OAS3: variants seen among roughly 807,000 people sequenced by gnomAD.
The protein encoded by OAS3 is 2'-5'-oligoadenylate synthase 3.
A neutral mutation model predicts 113.0 loss-of-function variants in OAS3; 107 were observed. The observed-to-expected ratio is 0.95, with a 90% CI of 0.81 to 1.11. The LOEUF (loss-of-function observed/expected upper bound fraction) is 1.11, where lower values mean the gene tolerates loss of function less well. OAS3 is among the 50% of genes most tolerant of loss of function. The probability of loss-of-function intolerance (pLI) is 0.00; values close to 1 mark genes in which losing one functional copy is unlikely to be tolerated. For synonymous variants in OAS3, 552 were observed against 573.6 expected (o/e 0.96, Z 0.54); for missense variants, 1,258 against 1,389.1 (o/e 0.91, Z 1.50).
intron 3 of OAS3, chr12:112,944,884 TC>T: frequency 1.8e-6 from 1 of 551,258 alleles, no homozygotes; most frequent in Non-Finnish European, 3.2e-6. Flanking sequence ...AATGCATTCT[TC>T]CAATAGTCTT....
intron 6 of OAS3, among the ~76,000 whole-genome samples, chr12:112,950,221 G>A (rs188774849): frequency 2.0e-4 from 31 of 152,136 alleles, no homozygotes; most frequent in African/African-American, 7.5e-4. Context: ...AACATTTAGT[G>A]AGCACTTACA....
At chr12:112,961,031 A>G in intron 7 of OAS3, 40 bp from the exon 8 acceptor site, 1 of 1,601,680 alleles carries the variant, frequency 6.2e-7, no homozygotes, top group Middle Eastern at 1.7e-4. Flanking sequence ...TGCTGTCTTC[A>G]ATTGGAGTTG....
chr12:112,967,689 T>A, intron 13 of OAS3, 96 bp downstream of exon 13: 1 of 1,399,780 alleles, frequency 7.1e-7, no homozygotes, highest in Non-Finnish European at 9.7e-7. Flanking sequence ...CTGGCCAAGA[T>A]CCTGGGTTGG....
chr12:112,938,564 G>T lies in OAS3; in HGVS notation c.34G>T (p.Asp12Tyr). ...DLYSTPAAAL[D>Y]RFVARRLQPR... ...GTACAGCACCCCGGCCGCTGCGCTG[G>T]ACAGGTTCGTGGCCAGAAGGCTGCA... Residue 12 changes from aspartate to tyrosine, a missense_variant, in exon 1 of 16, where the codon GAC (aspartate) becomes TAC (tyrosine). Physicochemically the swap from Asp to Tyr is radical, Grantham distance 160. Transcript: ENST00000228928. The T allele has an allele frequency of 6.2e-7, 1 of 1,610,170 alleles. No homozygotes were observed. The highest frequency in any genetic ancestry group is 1.3e-5 in the African/African-American group (1 of 74,884).
rs554207642 is a variant in OAS3, at chr12:112,938,905, T to G, written c.177+198T>G. 5.3e-5 allele frequency among the ~76,000 whole-genome samples: 8 copies of G among 152,322 alleles called. No individual in the cohort carries two copies. The East Asian group carries it at 1.4e-3, about 26-fold the overall frequency. ...CCAGGTAGGTACTCTTAAGCCCGCT[T>G]GACAGATAGAGAAAATGAGGCACAG... On this transcript the variant is annotated intron_variant, in intron 1 of 15. Transcript: ENST00000228928.
intron 2 of OAS3, among the ~76,000 whole-genome samples, chr12:112,942,940 A>G (rs1481095442): frequency 2.6e-5 from 4 of 151,566 alleles, no homozygotes; most frequent in East Asian, 1.9e-4. Context: ...ACACACACAC[A>G]CGCACACACA....
chr12:112,952,009 C>T (rs2043797792), intron 7 of OAS3, among the ~76,000 whole-genome samples: 1 of 152,178 alleles, frequency 6.6e-6, no homozygotes, highest in South Asian at 2.1e-4. Flanking sequence ...GAGACTCTAT[C>T]TCATGCTTTC....
intron 3 of OAS3, chr12:112,944,872 A>G: frequency 1.7e-6 from 1 of 572,956 alleles, no homozygotes; most frequent in Non-Finnish European, 3.1e-6. Flanking sequence ...TTTAGTTAAT[A>G]TAATGCATTC....
intron 3 of OAS3, 92 bp from the exon 4 acceptor site, chr12:112,946,651 G>A (rs774245265): frequency 3.4e-5 from 38 of 1,129,204 alleles, no homozygotes; most frequent in East Asian, 1.8e-4. Flanking sequence ...CCTCAGGCTC[G>A]GCCTGGAAGG....
chr12:112,963,019 C>CAT lies in OAS3; in HGVS notation c.2084+118_2084+119insTA. 1 of 1,420,770 alleles carries CAT rather than the reference C, an allele frequency of 7.0e-7. No homozygotes were observed. Among genetic ancestry groups the CAT allele is most frequent in the Non-Finnish European group, 9.7e-7 (1 of 1,029,532 alleles). The allele number at this position is 1,420,770 out of a possible 1,614,324, so 88.0% of individuals were successfully genotyped here. A position where few individuals can be genotyped will look rare whatever the true frequency, so the allele number is the denominator to read the frequency against. ...GGTTTGGGGTGGCAATCCCACTCCTCACTCTGCTTCCCTCTGGACTCTTTG... is the reference window on the plus strand; with the variant it reads ...GGTTTGGGGTGGCAATCCCACTCCTCATACTCTGCTTCCCTCTGGACTCTTTG... On this transcript the variant is annotated intron_variant, in intron 9 of 15. Transcript: ENST00000228928. This position sits in a 1 kb window ranked among gnomAD's most constrained non-coding sequence, Gnocchi z 4.6.
intron 3 of OAS3, 172 bp downstream of exon 3, chr12:112,944,823 T>C: frequency 1.5e-6 from 1 of 681,292 alleles, no homozygotes; most frequent in Non-Finnish European, 2.6e-6. Flanking sequence ...TGTTACTGAT[T>C]TGTTGAAGCT....
chr12:112,963,186 G>T lies in OAS3; in HGVS notation c.2085-127G>T. 8.2e-7 allele frequency: 1 copy of T among 1,225,962 alleles called. No homozygotes were observed. The highest frequency in any genetic ancestry group is 1.1e-6 in the Non-Finnish European group (1 of 904,588). 75.9% of individuals were successfully genotyped at this position (1,225,962 alleles called of 1,614,324 possible). On this transcript the variant is annotated intron_variant, in intron 9 of 15. Transcript: ENST00000228928. This position sits in a 1 kb window ranked among gnomAD's most constrained non-coding sequence, Gnocchi z 4.6. ...CAATTGAGATCGCTTCTGCACTTGG[G>T]CAAGACTGAGCCAACCCTGAGGTCC...
chr12:112,959,075 C>T (rs940484674), intron 7 of OAS3, among the ~76,000 whole-genome samples: 2 of 152,220 alleles, frequency 1.3e-5, no homozygotes, highest in Non-Finnish European at 2.9e-5. Flanking sequence ...TCGCTTCTGC[C>T]TTGCAGTTCA....
chr12:112,940,162 G>A (rs2043667304), intron 1 of OAS3, among the ~76,000 whole-genome samples: 1 of 152,114 alleles, frequency 6.6e-6, no homozygotes, highest in Non-Finnish European at 1.5e-5. Flanking sequence ...CCTTCCTTCT[G>A]GGGCTGTGAG....
chr12:112,966,798 C>T (rs1193492377), intron 12 of OAS3, among the ~76,000 whole-genome samples: 2 of 152,204 alleles, frequency 1.3e-5, no homozygotes, highest in Non-Finnish European at 2.9e-5. Flanking sequence ...CACACCACCA[C>T]ACCTGGCTAA....
intron 7 of OAS3, among the ~76,000 whole-genome samples, chr12:112,958,304 G>T (rs186443139): frequency 2.0e-5 from 3 of 152,376 alleles, no homozygotes; most frequent in South Asian, 2.1e-4. Context: ...GCTCGGAGAA[G>T]TTTGTTATTA....
intron 10 of OAS3, 119 bp from the exon 11 acceptor site, chr12:112,964,116 A>T: frequency 9.4e-7 from 1 of 1,065,404 alleles, no homozygotes; most frequent in Non-Finnish European, 1.3e-6. Flanking sequence ...CCAGCTGAGA[A>T]GGAAAGAGGG....
rs996100631 is a variant in OAS3, at chr12:112,944,413, A to G, written c.461-63A>G. ...AGCGCCCCAGGCTGAGCTCGGCACCAACACCGCCCTCCATCCTGTGTCCTC... is the reference window on the plus strand; with the variant it reads ...AGCGCCCCAGGCTGAGCTCGGCACCGACACCGCCCTCCATCCTGTGTCCTC... On this transcript the variant is annotated intron_variant, in intron 2 of 15. Transcript: ENST00000228928. The G allele has an allele frequency of 3.7e-5, 59 of 1,586,984 alleles. 1 individual carries two copies. In the Admixed American group the frequency reaches 9.7e-4, roughly 26 times the overall value.
At chr12:112,953,748 G>A (rs1453295106) in intron 7 of OAS3, among the ~76,000 whole-genome samples, 2 of 152,066 alleles carry the variant, frequency 1.3e-5, no homozygotes, top group South Asian at 2.1e-4. Flanking sequence ...GTGATGATGA[G>A]CATTTTTTCA....
Sources: gnomAD v4.1 joint callset for allele counts (sites outside exome capture counted in the v4.1 genomes callset) on GRCh38, gnomAD v4.1.1 for gene constraint, Gnocchi (gnomAD v3.1) non-coding constraint, MANE v1.5 for transcripts, NCBI Gene and HGNC (gene_info 2026-07-23, HGNC 2026-07-21) for gene names.